IPO13: variants seen among roughly 807,000 people sequenced by gnomAD.
IPO13 encodes importin 13.
In IPO13, 28 loss-of-function variants were observed where a neutral mutation model predicts 115.5. The observed-to-expected ratio is 0.24, with a 90% CI of 0.18 to 0.33. The LOEUF (loss-of-function observed/expected upper bound fraction) is 0.33, where lower values mean the gene tolerates loss of function less well. Ranked by LOEUF, IPO13 falls within the 10% of genes least tolerant of loss-of-function variation. IPO13 has a pLI of 1.00. For missense variants in IPO13, 785 were observed against 1,204.6 expected (o/e 0.65, Z 5.16); for synonymous variants, 414 against 478.9 (o/e 0.86, Z 1.77).
intron 15 of IPO13, among the ~76,000 whole-genome samples, chr1:43,964,915 T>C (rs1261065692): frequency 6.6e-6 from 1 of 152,178 alleles, no homozygotes; most frequent in African/African-American, 2.4e-5. Flanking sequence ...TTGTATGTTT[T>C]GAGTTTGGTT....
chr1:43,952,670 T>TAC lies in IPO13; in HGVS notation c.821+2529_821+2530dup, dbSNP rs895125367. ...CATACATATATTTATATGTATATGA[T>TAC]ACACACACACACATAGATAATGTGC... On this transcript the variant is annotated intron_variant, in intron 2 of 19. Transcript: ENST00000372343. This position sits in a 1 kb window ranked among gnomAD's most constrained non-coding sequence, Gnocchi z 4.7. Among the ~76,000 whole-genome samples, 9 of 151,936 alleles carry TAC rather than the reference T, an allele frequency of 5.9e-5. No individual in the cohort carries two copies. The highest frequency in any genetic ancestry group is 1.3e-4 in the Admixed American group (2 of 15,248).
intron 14 of IPO13, among the ~76,000 whole-genome samples, chr1:43,964,025 GT>G (rs1333833878): frequency 6.6e-6 from 1 of 152,254 alleles, no homozygotes; most frequent in East Asian, 1.9e-4. Context: ...CTGAGGAGGA[GT>G]GGGGAGTAGG....
chr1:43,950,788 T>A (rs1005751175), intron 2 of IPO13, among the ~76,000 whole-genome samples: 1 of 152,232 alleles, frequency 6.6e-6, no homozygotes, highest in African/African-American at 2.4e-5. Flanking sequence ...TACATATACT[T>A]GACACCTTGC....
intron 14 of IPO13, among the ~76,000 whole-genome samples, chr1:43,961,651 C>T (rs2085291240): frequency 6.6e-6 from 1 of 152,174 alleles, no homozygotes; most frequent in African/African-American, 2.4e-5. Context: ...TTCATCACCA[C>T]CAACTAGTTG....
chr1:43,958,658 T>G lies in IPO13; in HGVS notation c.1884+63T>G. ...TGCTGTGGCTGATGAGGGGTGAGGT[T>G]GGAGCTGGCCCTCAGAGCTGAGGCT... On this transcript the variant is annotated intron_variant, in intron 10 of 19. Coordinates refer to ENST00000372343, the MANE Select transcript of IPO13 (RefSeq NM_014652.4). The surrounding 1 kb of genome is among the most constrained non-coding windows in gnomAD (Gnocchi z 6.3). The G allele has an allele frequency of 6.2e-7, 1 of 1,612,294 alleles. No individual in the cohort carries two copies. Among genetic ancestry groups the G allele is most frequent in the Non-Finnish European group, 8.5e-7 (1 of 1,178,756 alleles).
Position 43,957,464 on chromosome 1 carries a change from T to C in IPO13, c.1455T>C (p.Ser485=). 1.2e-6 allele frequency: 2 copies of C among 1,614,220 alleles called. No individual in the cohort carries two copies. The highest frequency in any genetic ancestry group is 1.7e-6 in the Non-Finnish European group (2 of 1,180,040). The part of the protein sequence containing the change: ...SIAETIDVNY[S]DVVPGLIGLI... ...CAGAGACCATTGACGTCAACTATTC[T>C]GATGTGGTGCCTGGGCTCATTGGCC... Residue 485 remains serine, a synonymous_variant, in exon 7 of 20, where the codon TCT becomes TCC. Transcript: ENST00000372343.
At chr1:43,949,291 C>A (rs1230891795) in intron 1 of IPO13, 126 bp from the exon 2 acceptor site, 10 of 995,750 alleles carry the variant, frequency 1.0e-5, no homozygotes, top group Non-Finnish European at 1.4e-5. Flanking sequence ...GAGCGCTGAG[C>A]TCTCCCTGCT....
Position 43,967,558 on chromosome 1 carries a change from C to G in IPO13, c.2796-28C>G. Reference sequence around the variant, plus strand: ...GAGGGGGCAGTGGTGGTGGCTGGTGCTAACCTGCTCTCCCTTTTCTCCTTC... The same window carrying G: ...GAGGGGGCAGTGGTGGTGGCTGGTGGTAACCTGCTCTCCCTTTTCTCCTTC... On this transcript the variant is annotated intron_variant, in intron 19 of 19. Transcript: ENST00000372343. This position sits in a 1 kb window ranked among gnomAD's most constrained non-coding sequence, Gnocchi z 6.1. The G allele has an allele frequency of 1.2e-6, 2 of 1,614,046 alleles. No individual in the cohort carries two copies. The highest frequency in any genetic ancestry group is 2.2e-5 in the East Asian group (1 of 44,878).
Position 43,958,363 on chromosome 1 carries a change from C to T in IPO13, c.1749+95C>T. The T allele has an allele frequency of 6.2e-7, 1 of 1,607,688 alleles. No homozygotes were observed. ...TTTTTGGCCTTCCCCTTCCTCTTATCCCTTATTCTCTGTTTTTCTTCTCCC... is the reference window on the plus strand; with the variant it reads ...TTTTTGGCCTTCCCCTTCCTCTTATTCCTTATTCTCTGTTTTTCTTCTCCC... On this transcript the variant is annotated intron_variant, in intron 9 of 19. Coordinates refer to ENST00000372343, the MANE Select transcript of IPO13 (RefSeq NM_014652.4). The surrounding 1 kb of genome is among the most constrained non-coding windows in gnomAD (Gnocchi z 6.3).
rs1203486348 is a variant in IPO13, at chr1:43,952,617, G to A, written c.821+2464G>A. ...AGTGGCTAAATTTGAAAAGGAGTTG[G>A]TTTCCTATATATATATGTGTGTGTA... On this transcript the variant is annotated intron_variant, in intron 2 of 19. Transcript: ENST00000372343. This position sits in a 1 kb window ranked among gnomAD's most constrained non-coding sequence, Gnocchi z 4.7. Among the ~76,000 whole-genome samples, 1 of 151,870 alleles carries A rather than the reference G, an allele frequency of 6.6e-6. No homozygotes were observed. Among genetic ancestry groups the A allele is most frequent in the African/African-American group, 2.4e-5 (1 of 41,324 alleles).
chr1:43,959,396 A>G (rs2085274738), intron 11 of IPO13, among the ~76,000 whole-genome samples: 1 of 152,202 alleles, frequency 6.6e-6, no homozygotes, highest in Non-Finnish European at 1.5e-5. Context: ...TCCTGTGGTA[A>G]GCTTGGGCAT....
At chr1:43,948,433 C>T (rs546711413) in intron 1 of IPO13, among the ~76,000 whole-genome samples, 48 of 152,370 alleles carry the variant, frequency 3.2e-4, no homozygotes, top group African/African-American at 1.1e-3. Context: ...GGCTCCCTTA[C>T]TTGAAAGCAG....
Position 43,956,956 on chromosome 1 carries a change from G to A in IPO13, c.1251G>A (p.Lys417=), listed in dbSNP as rs750107302. 12 of 1,614,064 alleles carry A rather than the reference G, an allele frequency of 7.4e-6. No homozygotes were observed. The highest frequency in any genetic ancestry group is 1.0e-5 in the Non-Finnish European group (12 of 1,180,038). ...ATGGATTCTGGTCCTCAGACGAGAA[G>A]GAGCAGTTCCGAATTTACAGGTGAT... The part of the protein sequence containing the change: ...EEYGFWSSDE[K]EQFRIYRVDI... The change falls in exon 5 of 20, where the codon AAG becomes AAA. Residue 417 remains lysine (K), a synonymous_variant. Coordinates refer to ENST00000372343, the MANE Select transcript of IPO13 (RefSeq NM_014652.4). The surrounding 1 kb of genome is among the most constrained non-coding windows in gnomAD (Gnocchi z 4.7).
rs781143204 is a variant in IPO13 at position 43,948,569 on chromosome 1, AG to A, written c.85-844del. Among the ~76,000 whole-genome samples the A allele has an allele frequency of 2.6e-4, 40 of 152,320 alleles. 1 individual carries two copies. In the East Asian group the frequency reaches 7.7e-3, roughly 29 times the overall value. On this transcript the variant is annotated intron_variant, in intron 1 of 19. Coordinates refer to ENST00000372343, the MANE Select transcript of IPO13 (RefSeq NM_014652.4). The stretch of plus-strand genomic sequence containing the variant: ...GGGCCAATGGCCATAACTGGCTGTC[AG>A]GGGTACAAATAGAGCTAAGCTTACT...
rs2085246549 is a variant in IPO13, at chr1:43,956,168, AT to A, written c.822-151del. 1 of 802,526 alleles carries A rather than the reference AT, an allele frequency of 1.2e-6. No homozygotes were observed. The highest frequency in any genetic ancestry group is 1.9e-6 in the Non-Finnish European group (1 of 519,234). The allele number at this position is 802,526 out of a possible 1,614,324, so 49.7% of individuals were successfully genotyped here. A position where few individuals can be genotyped will look rare whatever the true frequency, so the allele number is the denominator to read the frequency against. On this transcript the variant is annotated intron_variant, in intron 2 of 19. Transcript: ENST00000372343. The surrounding 1 kb of genome is among the most constrained non-coding windows in gnomAD (Gnocchi z 4.7). ...TTCTTCCCAACATTGGGAACATCAAATCTGCCATGTAGACCCTGACCCTTTT... is the reference window on the plus strand; with the variant it reads ...TTCTTCCCAACATTGGGAACATCAAACTGCCATGTAGACCCTGACCCTTTT...
intron 2 of IPO13, among the ~76,000 whole-genome samples, chr1:43,955,168 G>A (rs1236469081): frequency 1.3e-5 from 2 of 152,152 alleles, no homozygotes; most frequent in Non-Finnish European, 2.9e-5. Flanking sequence ...CCTCCCTGCT[G>A]CCACCACACT....
chr1:43,960,883 G>A lies in IPO13; in HGVS notation c.2117G>A (p.Cys706Tyr), dbSNP rs1398639640. 6.2e-7 allele frequency: 1 copy of A among 1,614,152 alleles called. No homozygotes were observed. Among genetic ancestry groups the A allele is most frequent in the Admixed American group, 1.7e-5 (1 of 60,030 alleles). ...CTTTGCTTTCTTCCCAAGGCGGTGTGCGCTATCTTTGAGAAGTCTGTTAAG... is the reference window on the plus strand; with the variant it reads ...CTTTGCTTTCTTCCCAAGGCGGTGTACGCTATCTTTGAGAAGTCTGTTAAG... ...LNDAQVVEAV[C>Y]AIFEKSVKTL... is the part of the protein sequence containing the mutation. The change falls in exon 13 of 20, where the codon TGC (cysteine) becomes TAC (tyrosine). Residue 706 changes from cysteine to tyrosine, a missense_variant. Transcript: ENST00000372343.
At chr1:43,949,302 C>A in intron 1 of IPO13, 115 bp from the exon 2 acceptor site, 1 of 1,142,222 alleles carries the variant, frequency 8.8e-7, no homozygotes, top group Non-Finnish European at 1.2e-6. Context: ...TCTCCCTGCT[C>A]AGCCCCCCAG....
chr1:43,964,184 C>T, intron 14 of IPO13, 85 bp from the exon 15 acceptor site: 1 of 887,030 alleles, frequency 1.1e-6, no homozygotes, highest in Non-Finnish European at 1.8e-6. Context: ...TGTCTCCCTG[C>T]AGGCTCTCAG....
Sources: gnomAD v4.1 joint callset for allele counts (sites outside exome capture counted in the v4.1 genomes callset) on GRCh38, gnomAD v4.1.1 for gene constraint, Gnocchi (gnomAD v3.1) non-coding constraint, MANE v1.5 for transcripts, NCBI Gene and HGNC (gene_info 2026-07-23, HGNC 2026-07-21) for gene names.